The following KCNJ1 variants were observed in gnomAD, a reference collection of about 807,000 sequenced individuals.
KCNJ1 encodes the protein ATP-sensitive inward rectifier potassium channel 1.
KCNJ1 carries 24 observed loss-of-function variants against 21.9 expected under a neutral mutation model. The ratio of observed to expected loss-of-function variants is 1.10; its 90% CI spans 0.79 to 1.54. The LOEUF (loss-of-function observed/expected upper bound fraction) is 1.54. KCNJ1 is among the 40% of genes most tolerant of loss of function. The pLI, the probability that KCNJ1 is intolerant of heterozygous loss-of-function variation, is 0.00. For missense variants in KCNJ1, 457 were observed against 455.4 expected (o/e 1.00, Z -0.03); for synonymous variants, 152 against 160.9 (o/e 0.94, Z 0.42).
At chr11:128,856,675 G>A (rs1013274620) in intron 1 of KCNJ1, among the ~76,000 whole-genome samples, 1 of 152,112 alleles carries the variant, frequency 6.6e-6, no homozygotes, top group Non-Finnish European at 1.5e-5. Context: ...CCCTGTCAAT[G>A]GCACACCCAC....
chr11:128,840,642 T>A (rs540715548), intron 2 of KCNJ1, among the ~76,000 whole-genome samples: 36 of 152,352 alleles, frequency 2.4e-4, no homozygotes, highest in African/African-American at 8.7e-4. Flanking sequence ...TTCTCATAAG[T>A]TTAGCCTTAT....
chr11:128,857,982 A>T (rs1008107429), intron 1 of KCNJ1, among the ~76,000 whole-genome samples: 16 of 152,222 alleles, frequency 1.1e-4, no homozygotes, highest in African/African-American at 3.4e-4. Flanking sequence ...TAAAGGGTTT[A>T]AAAGTTTTAA....
At chr11:128,865,289 C>T (rs986159729) in intron 1 of KCNJ1, among the ~76,000 whole-genome samples, 1 of 152,056 alleles carries the variant, frequency 6.6e-6, no homozygotes, top group Non-Finnish European at 1.5e-5. Context: ...GTCACAGTCC[C>T]CACTCATCAG....
intron 1 of KCNJ1, among the ~76,000 whole-genome samples, chr11:128,864,778 C>T (rs1943787692): frequency 6.6e-6 from 1 of 152,070 alleles, no homozygotes; most frequent in African/African-American, 2.4e-5. Flanking sequence ...TTCATCCTCG[C>T]CTGTCCCCAT....
intron 2 of KCNJ1, among the ~76,000 whole-genome samples, chr11:128,849,078 A>G (rs1943437428): frequency 6.6e-6 from 1 of 152,216 alleles, no homozygotes; most frequent in Non-Finnish European, 1.5e-5. Flanking sequence ...AAAGGCCTGT[A>G]GTGTCATCCG....
chr11:128,867,150 C>A (rs1296101278), intron 1 of KCNJ1, 23 bp downstream of exon 1: 1 of 152,128 alleles, frequency 6.6e-6, no homozygotes, highest in Admixed American at 6.5e-5. Flanking sequence ...TACAAAGAGA[C>A]AATGAGGTGT....
chr11:128,864,530 A>G (rs1943782981), intron 1 of KCNJ1, among the ~76,000 whole-genome samples: 1 of 152,096 alleles, frequency 6.6e-6, no homozygotes, highest in Non-Finnish European at 1.5e-5. Context: ...CACATAATCG[A>G]GCCAACCACT....
chr11:128,862,149 A>G (rs1258948508), intron 1 of KCNJ1, among the ~76,000 whole-genome samples: 2 of 152,076 alleles, frequency 1.3e-5, no homozygotes, highest in East Asian at 3.9e-4. Flanking sequence ...CTTTGTAGAA[A>G]TCCAAATCTG....
At chr11:128,854,042 C>G (rs1308879179) in intron 1 of KCNJ1, among the ~76,000 whole-genome samples, 2 of 136,966 alleles carry the variant, frequency 1.5e-5, no homozygotes, top group African/African-American at 5.2e-5. Flanking sequence ...CCCTCATACC[C>G]ACCCACCCAC....
chr11:128,866,402 C>T (rs2135966194), intron 1 of KCNJ1: 1 of 202,018 alleles, frequency 5.0e-6, no homozygotes, highest in East Asian at 1.8e-4. Flanking sequence ...GTAAGCCCAG[C>T]TAAAAGGAGA....
At chr11:128,848,990 C>A (rs1448686101) in intron 2 of KCNJ1, among the ~76,000 whole-genome samples, 1 of 152,152 alleles carries the variant, frequency 6.6e-6, no homozygotes, top group Admixed American at 6.5e-5. Context: ...ACACACGCTG[C>A]GGCAGTCTCA....
intron 1 of KCNJ1, among the ~76,000 whole-genome samples, chr11:128,854,610 G>T (rs183334171): frequency 6.6e-6 from 1 of 152,270 alleles, no homozygotes; most frequent in Non-Finnish European, 1.5e-5. Flanking sequence ...CTACATTCAA[G>T]GACTCACGGG....
At chr11:128,858,430 C>T (rs766817929) in intron 1 of KCNJ1, among the ~76,000 whole-genome samples, 9 of 152,068 alleles carry the variant, frequency 5.9e-5, no homozygotes, top group East Asian at 5.8e-4. Flanking sequence ...CACGTGTCTC[C>T]GTGGCAACAG....
At chr11:128,841,883 C>T (rs913891005) in intron 2 of KCNJ1, among the ~76,000 whole-genome samples, 7 of 152,230 alleles carry the variant, frequency 4.6e-5, no homozygotes, top group African/African-American at 1.7e-4. Flanking sequence ...GCCCTCCTCT[C>T]ATCCCACACT....
intron 1 of KCNJ1, among the ~76,000 whole-genome samples, chr11:128,857,908 A>G (rs1036055697): frequency 6.6e-6 from 1 of 152,200 alleles, no homozygotes; most frequent in Non-Finnish European, 1.5e-5. Context: ...ATACATAAAA[A>G]TGTGTTTCTG....
In KCNJ1 at chr11:128,840,110, A is replaced by T; in HGVS notation, c.134T>A (p.Phe45Tyr). Residue 45 changes from phenylalanine to tyrosine, a missense_variant, in exon 3 of 3, where the codon TTC (phenylalanine) becomes TAC (tyrosine). Coordinates refer to ENST00000392666, the MANE Select transcript of KCNJ1 (RefSeq NM_153766.3). ...TACCGTTGTCCAGATGTCCACAAAG[A>T]ATATAAACCTTGACTGTGCCTCCAC... is the stretch of plus-strand genomic sequence containing the variant. Reference protein sequence around the residue: ...GNVEAQSRFIFFVDIWTTVLD... With the variant: ...GNVEAQSRFIYFVDIWTTVLD... The T allele has an allele frequency of 6.2e-7, 1 of 1,614,196 alleles. No homozygotes were observed. Among genetic ancestry groups the T allele is most frequent in the South Asian group, 1.1e-5 (1 of 91,084 alleles).
At chr11:128,866,713 A>G in intron 1 of KCNJ1, 1 of 159,646 alleles carries the variant, frequency 6.3e-6, no homozygotes, top group South Asian at 2.0e-4. Flanking sequence ...TGTCTGGCTA[A>G]CTCTTGCCTT....
chr11:128,838,935 T>C lies in KCNJ1; in HGVS notation c.*190A>G, dbSNP rs1174370234. ...AGTTTCATATAAATGCATTGCACGT[T>C]CTAATACAGTAGCCTTGTGGAGATG... is the stretch of plus-strand genomic sequence containing the variant. On this transcript the variant is annotated 3_prime_UTR_variant, in exon 3 of 3. Coordinates refer to ENST00000392666, the MANE Select transcript of KCNJ1 (RefSeq NM_153766.3). The C allele has an allele frequency of 1.6e-6, 1 of 618,166 alleles. No homozygotes were observed. The highest frequency in any genetic ancestry group is 2.7e-5 in the East Asian group (1 of 36,558). The allele number at this position is 618,166 out of a possible 1,614,324, so 38.3% of individuals were successfully genotyped here.
Position 128,840,278 on chromosome 11 carries a change from AAAG to A in KCNJ1, c.-21-17_-21-15del. The A allele has an allele frequency of 6.2e-7, 1 of 1,613,624 alleles. No individual in the cohort carries two copies. Among genetic ancestry groups the A allele is most frequent in the Non-Finnish European group, 8.5e-7 (1 of 1,179,518 alleles). On this transcript the variant is annotated splice_polypyrimidine_tract_variant and intron_variant, in intron 2 of 2. Transcript: ENST00000392666. ...CAACACCCTGATCTGAAAACACATC[AAAG>A]AAAAACAAAAAAGGATTATGTTTAT...
Sources: gnomAD v4.1 joint callset for allele counts (sites outside exome capture counted in the v4.1 genomes callset) on GRCh38, gnomAD v4.1.1 for gene constraint, MANE v1.5 for transcripts, NCBI Gene and HGNC (gene_info 2026-07-23, HGNC 2026-07-21) for gene names.